The following PIAS4 variants were observed in gnomAD, a reference collection of about 807,000 sequenced individuals.
The protein encoded by PIAS4 is protein inhibitor of activated STAT 4.
PIAS4 carries 7 observed loss-of-function variants against 58.0 expected under a neutral mutation model. The observed-to-expected ratio is 0.12, with a 90% CI of 0.07 to 0.23. PIAS4 has a LOEUF of 0.23. Among genes scored for constraint, PIAS4 ranks in the 10% least tolerant of loss-of-function variants. The pLI is 1.00. For missense variants in PIAS4, 550 were observed against 709.5 expected (o/e 0.78, Z 2.55); for synonymous variants, 364 against 312.4 (o/e 1.17, Z -1.74).
intron 1 of PIAS4, 56 bp downstream of exon 1, chr19:4,007,843 G>A: frequency 8.4e-7 from 1 of 1,185,312 alleles, no homozygotes; most frequent in Non-Finnish European, 1.1e-6. Flanking sequence ...GCGGGGGCCG[G>A]GCCGCAGGTC....
intron 1 of PIAS4, among the ~76,000 whole-genome samples, chr19:4,008,049 C>G (rs755226631): frequency 2.0e-5 from 3 of 151,746 alleles, no homozygotes; most frequent in Non-Finnish European, 2.9e-5. Context: ...CCCACCCAGC[C>G]CGAGCCCTTA....
Position 4,014,032 on chromosome 19 carries a change from T to C in PIAS4, c.454+683T>C, listed in dbSNP as rs1052582866. Among the ~76,000 whole-genome samples the C allele has an allele frequency of 2.8e-4, 43 of 152,092 alleles. 1 individual carries two copies. In the South Asian group the frequency reaches 5.0e-3, roughly 18 times the overall value. On this transcript the variant is annotated intron_variant, in intron 2 of 10. Coordinates refer to ENST00000262971, the MANE Select transcript of PIAS4 (RefSeq NM_015897.4). ...AGCCTGGTTTCCCTGCTTATTCCCCTTGGAAAGGGGGCTGGCCAGTGGCAT... is the reference window on the plus strand; with the variant it reads ...AGCCTGGTTTCCCTGCTTATTCCCCCTGGAAAGGGGGCTGGCCAGTGGCAT...
intron 1 of PIAS4, among the ~76,000 whole-genome samples, chr19:4,012,405 C>T (rs1202681921): frequency 4.6e-5 from 7 of 152,052 alleles, no homozygotes; most frequent in East Asian, 1.9e-4. Flanking sequence ...GCTTGGTTCC[C>T]GGCAGGTGAT....
intron 9 of PIAS4, among the ~76,000 whole-genome samples, chr19:4,033,850 A>G (rs930552468): frequency 2.6e-5 from 4 of 152,190 alleles, no homozygotes; most frequent in African/African-American, 7.2e-5. Flanking sequence ...ACCTCAGGCA[A>G]GTGTGACCCT....
intron 3 of PIAS4, 142 bp from the exon 4 acceptor site, chr19:4,028,002 CAA>C (rs2040184144): frequency 3.6e-6 from 3 of 831,978 alleles, no homozygotes; most frequent in East Asian, 4.8e-5. Flanking sequence ...CCAGCCCGTA[CAA>C]AAGAGTCCTG....
chr19:4,015,089 G>C (rs1292307326), intron 2 of PIAS4, among the ~76,000 whole-genome samples: 1 of 152,344 alleles, frequency 6.6e-6, no homozygotes, highest in Admixed American at 6.5e-5. Flanking sequence ...AGTGGCACCT[G>C]TCCTGGGGGA....
At chr19:4,024,194 C>A in intron 3 of PIAS4, 74 bp downstream of exon 3, 1 of 1,125,404 alleles carries the variant, frequency 8.9e-7, no homozygotes, top group Non-Finnish European at 1.3e-6. Context: ...CTGGGGAGAG[C>A]CGGCAGCCAC....
At chr19:4,014,256 A>C (rs1221120029) in intron 2 of PIAS4, among the ~76,000 whole-genome samples, 1 of 152,206 alleles carries the variant, frequency 6.6e-6, no homozygotes. Context: ...ACTGTGTGTC[A>C]GGACCTCATA....
intron 1 of PIAS4, among the ~76,000 whole-genome samples, chr19:4,011,890 TGG>T (rs1476906877): frequency 2.8e-5 from 2 of 70,616 alleles, no homozygotes; most frequent in Non-Finnish European, 5.6e-5. Flanking sequence ...TGTGGAGGTG[TGG>T]GGGGTGTGGA....
chr19:4,036,071 TCACA>T (rs2040278530), intron 9 of PIAS4, among the ~76,000 whole-genome samples: 1 of 83,250 alleles, frequency 1.2e-5, no homozygotes. Context: ...GTCCACACTG[TCACA>T]CATCCGTACA....
At chr19:4,030,170 C>G (rs2040209666) in intron 7 of PIAS4, among the ~76,000 whole-genome samples, 1 of 150,982 alleles carries the variant, frequency 6.6e-6, no homozygotes. Context: ...GCTGTGTTGC[C>G]CAGGCTGGTC....
chr19:4,036,389 C>T (rs1361153169), intron 9 of PIAS4, among the ~76,000 whole-genome samples: 2 of 133,958 alleles, frequency 1.5e-5, no homozygotes, highest in African/African-American at 5.1e-5. Flanking sequence ...TACACACACA[C>T]GTCTATACAG....
At chr19:4,027,998 C>A in intron 3 of PIAS4, 148 bp from the exon 4 acceptor site, 3 of 807,658 alleles carry the variant, frequency 3.7e-6, no homozygotes, top group Non-Finnish European at 4.4e-6. Context: ...TCACCCAGCC[C>A]GTACAAAAGA....
Position 4,007,739 on chromosome 19 carries a change from G to T in PIAS4, c.-22G>T. The T allele has an allele frequency of 8.2e-7, 1 of 1,214,446 alleles. No individual in the cohort carries two copies. The highest frequency in any genetic ancestry group is 1.0e-6 in the Non-Finnish European group (1 of 970,118). The allele number at this position is 1,214,446 out of a possible 1,614,324, so 75.2% of individuals were successfully genotyped here. A position where few individuals can be genotyped will look rare whatever the true frequency, so the allele number is the denominator to read the frequency against. On this transcript the variant is annotated 5_prime_UTR_variant, in exon 1 of 11. Coordinates refer to ENST00000262971, the MANE Select transcript of PIAS4 (RefSeq NM_015897.4). The stretch of plus-strand genomic sequence containing the variant: ...GACGCGACGGCTGGGGGCTCCCGGC[G>T]CGGGGGACGCTGGTGACCAAGATGG...
At position 4,034,225 on chromosome 19, in the gene PIAS4, C is replaced by T. The variant is rs147644713; in HGVS notation, c.1142+645C>T. On this transcript the variant is annotated intron_variant, in intron 9 of 10. Coordinates refer to ENST00000262971, the MANE Select transcript of PIAS4 (RefSeq NM_015897.4). ...CCGCCGGCAGGGCGCGAGGCCACAG[C>T]GGCACAAGCTGGCGCCCTCACAGGC... Among the ~76,000 whole-genome samples, 1,276 of 152,332 alleles carry T rather than the reference C, an allele frequency of 8.4e-3. 6 individuals are homozygous for T. The highest frequency in any genetic ancestry group is 0.012 in the Non-Finnish European group (809 of 68,008).
At chr19:4,032,707 C>T (rs2144937707) in intron 7 of PIAS4, among the ~76,000 whole-genome samples, 1 of 152,344 alleles carries the variant, frequency 6.6e-6, no homozygotes, top group African/African-American at 2.4e-5. Flanking sequence ...CAAAGAGTCC[C>T]TGCCTCATTC....
In PIAS4 at chr19:4,024,074, A is replaced by G; in HGVS notation, c.493A>G (p.Ile165Val). Residue 165 changes from isoleucine (I) to valine (V), a missense_variant, in exon 3 of 11, where the codon ATC becomes GTC. Physicochemically the swap from Ile to Val is conservative, Grantham distance 29. Around this residue, in one of 4 missense-constraint regions of PIAS4, gnomAD observed 225 missense variants for 345.8 expected, o/e 0.65. Transcript: ENST00000262971. Reference protein sequence around the residue: ...NNEKLQESPCIFALTPRQVEL... With the variant: ...NNEKLQESPCVFALTPRQVEL... ...CGAGAAGCTTCAGGAGAGCCCGTGC[A>G]TCTTCGCATTGACGCCAAGACAGGT... 6.2e-7 allele frequency: 1 copy of G among 1,614,088 alleles called. No individual in the cohort carries two copies.
chr19:4,023,489 C>G (rs926621270), intron 2 of PIAS4, among the ~76,000 whole-genome samples: 2 of 151,508 alleles, frequency 1.3e-5, no homozygotes, highest in African/African-American at 4.9e-5. Context: ...ACAAAACAAA[C>G]AAAAACCAAT....
At chr19:4,009,430 C>G (rs2144901420) in intron 1 of PIAS4, among the ~76,000 whole-genome samples, 1 of 152,226 alleles carries the variant, frequency 6.6e-6, no homozygotes, top group Middle Eastern at 3.4e-3. Context: ...AATGTAACCT[C>G]CCGTTTCGGG....
Sources: gnomAD v4.1 joint callset for allele counts (sites outside exome capture counted in the v4.1 genomes callset) on GRCh38, gnomAD v4.1.1 for gene constraint, gnomAD v4.1.1 regional missense constraint, MANE v1.5 for transcripts, NCBI Gene and HGNC (gene_info 2026-07-23, HGNC 2026-07-21) for gene names.